The following LUC7L2 variants were observed in gnomAD, a reference collection of about 807,000 sequenced individuals.
LUC7L2 encodes the protein LUC7 like 2, pre-mRNA splicing factor.
In LUC7L2, 25 loss-of-function variants were observed where a neutral mutation model predicts 52.8. That is an observed-to-expected ratio of 0.47 (90% CI 0.34 to 0.66). The LOEUF (loss-of-function observed/expected upper bound fraction) is 0.66. Ranked by LOEUF, LUC7L2 falls within the 30% of genes least tolerant of loss-of-function variation. The pLI, the probability that LUC7L2 is intolerant of heterozygous loss-of-function variation, is 0.01. For synonymous variants in LUC7L2, 144 were observed against 160.9 expected (o/e 0.89, Z 0.80); for missense variants, 328 against 497.8 (o/e 0.66, Z 3.25).
At chr7:139,377,077 C>T (rs961133062) in intron 2 of LUC7L2, among the ~76,000 whole-genome samples, 6 of 151,946 alleles carry the variant, frequency 3.9e-5, no homozygotes, top group South Asian at 2.1e-4. Flanking sequence ...ATTATGTTAA[C>T]GGGGAAAAAA....
chr7:139,353,990 C>G (rs1440715478), intron 1 of LUC7L2, among the ~76,000 whole-genome samples: 1 of 151,658 alleles, frequency 6.6e-6, no homozygotes, highest in African/African-American at 2.4e-5. Flanking sequence ...GTGGCTGGCA[C>G]TTGTAATCCC....
intron 2 of LUC7L2, among the ~76,000 whole-genome samples, chr7:139,378,583 G>T (rs553192098): frequency 6.8e-6 from 1 of 146,984 alleles, no homozygotes; most frequent in Non-Finnish European, 1.5e-5. Context: ...TCAAAAAAAA[G>T]AAAAAAGAAA....
intron 1 of LUC7L2, chr7:139,363,360 G>T: frequency 1.9e-6 from 1 of 517,620 alleles, no homozygotes; most frequent in Non-Finnish European, 2.5e-6. Context: ...GGATTTTTCT[G>T]ATAAGGCATC....
chr7:139,412,024 A>G (rs1795380696), intron 7 of LUC7L2, among the ~76,000 whole-genome samples: 1 of 152,096 alleles, frequency 6.6e-6, no homozygotes, highest in African/African-American at 2.4e-5. Context: ...CATTTAAAGG[A>G]GATGCTTATT....
chr7:139,359,784 C>T, upstream of LUC7L2: 2 of 400,738 alleles, frequency 5.0e-6, no homozygotes, highest in Non-Finnish European at 8.8e-6. Flanking sequence ...GTGCACGCGC[C>T]CAGAGCCGTT....
chr7:139,403,659 A>G (rs1026950607), intron 4 of LUC7L2, among the ~76,000 whole-genome samples: 2 of 152,194 alleles, frequency 1.3e-5, no homozygotes, highest in Admixed American at 1.3e-4. Context: ...ATCACTACAC[A>G]AATGCTGTAT....
chr7:139,404,383 C>T (rs920398477), intron 4 of LUC7L2, among the ~76,000 whole-genome samples: 2 of 152,142 alleles, frequency 1.3e-5, no homozygotes, highest in Non-Finnish European at 2.9e-5. Context: ...GTGGTGCACG[C>T]CTGTAATCTC....
chr7:139,421,216 A>G (rs1397200093), intron 9 of LUC7L2, among the ~76,000 whole-genome samples: 1 of 152,214 alleles, frequency 6.6e-6, no homozygotes, highest in African/African-American at 2.4e-5. Context: ...CTGAACAGTC[A>G]TATTTTTTAT....
chr7:139,360,426 G>A, intron 1 of LUC7L2, 104 bp downstream of exon 1: 2 of 1,071,986 alleles, frequency 1.9e-6, no homozygotes, highest in Non-Finnish European at 2.7e-6. Flanking sequence ...TGAGTAAGGG[G>A]CTCCCAGATT....
chr7:139,373,797 C>A (rs1800576063), intron 1 of LUC7L2, among the ~76,000 whole-genome samples: 1 of 152,176 alleles, frequency 6.6e-6, no homozygotes, highest in Non-Finnish European at 1.5e-5. Context: ...TGATTTTATT[C>A]TAAGGCCTGA....
At chr7:139,362,826 T>G (rs955938560) in intron 1 of LUC7L2, among the ~76,000 whole-genome samples, 6 of 152,036 alleles carry the variant, frequency 3.9e-5, no homozygotes, top group African/African-American at 1.4e-4. Context: ...CCTGACAGTT[T>G]TTAATTAGTT....
At chr7:139,411,550 A>G (rs1795360287) in intron 7 of LUC7L2, among the ~76,000 whole-genome samples, 1 of 152,212 alleles carries the variant, frequency 6.6e-6, no homozygotes, top group African/African-American at 2.4e-5. Context: ...ACAGACAGTG[A>G]ATGGTAGAAC....
At chr7:139,388,038 T>G (rs1012557473) in intron 2 of LUC7L2, among the ~76,000 whole-genome samples, 1 of 152,206 alleles carries the variant, frequency 6.6e-6, no homozygotes, top group Admixed American at 6.5e-5. Context: ...TTCTCCTCTC[T>G]ACAAATTTAA....
At chr7:139,390,712 T>C (rs6467845) in intron 2 of LUC7L2, among the ~76,000 whole-genome samples, 58,368 of 151,706 alleles carry the variant, frequency 0.38, 15,696 homozygotes, top group African/African-American at 0.77. Flanking sequence ...CCCACCACCA[T>C]GCCCGGCTAA....
intron 1 of LUC7L2, chr7:139,375,069 C>T (rs1457621529): frequency 1.0e-6 from 1 of 983,292 alleles, no homozygotes; most frequent in Non-Finnish European, 1.2e-6. Flanking sequence ...AAAACACCTA[C>T]ATTTCTTAGG....
intron 1 of LUC7L2, among the ~76,000 whole-genome samples, chr7:139,371,056 C>T (rs192428947): frequency 2.0e-5 from 3 of 152,308 alleles, no homozygotes; most frequent in Non-Finnish European, 2.9e-5. Flanking sequence ...CACTGTGACA[C>T]GTGACCCTTA....
chr7:139,398,718 G>A (rs748110774), intron 3 of LUC7L2, 21 bp downstream of exon 3: 3 of 1,599,608 alleles, frequency 1.9e-6, no homozygotes, highest in Non-Finnish European at 8.5e-7. Context: ...TTGCTTTAAT[G>A]GTTTGTTGTT....
intron 2 of LUC7L2, among the ~76,000 whole-genome samples, chr7:139,383,364 C>T (rs535143906): frequency 6.6e-6 from 1 of 151,838 alleles, no homozygotes; most frequent in Admixed American, 6.6e-5. Context: ...GTGATCCGCC[C>T]ATCTCGGCCT....
intron 1 of LUC7L2, chr7:139,374,795 A>G (rs944309462): frequency 7.1e-6 from 8 of 1,125,958 alleles, no homozygotes; most frequent in Non-Finnish European, 8.7e-6. Flanking sequence ...TCTAAAAATG[A>G]TAGTGTTTAG....
Sources: gnomAD v4.1 joint callset for allele counts (sites outside exome capture counted in the v4.1 genomes callset) on GRCh38, gnomAD v4.1.1 for gene constraint, MANE v1.5 for transcripts, NCBI Gene and HGNC (gene_info 2026-07-23, HGNC 2026-07-21) for gene names.